The following SKAP2 variants were observed in gnomAD, a reference collection of about 807,000 sequenced individuals.
SKAP2 encodes src kinase associated phosphoprotein 2, also known as src kinase-associated phosphoprotein 2.
A neutral mutation model predicts 54.9 loss-of-function variants in SKAP2; 28 were observed. That is an observed-to-expected ratio of 0.51 (90% CI 0.38 to 0.70). SKAP2 has a LOEUF of 0.70. SKAP2 is among the 30% of genes least tolerant of loss of function. The pLI, the probability that SKAP2 is intolerant of heterozygous loss-of-function variation, is 0.00. For missense variants in SKAP2, 356 were observed against 424.1 expected, an observed-to-expected ratio of 0.84 and a Z score of 1.41; for synonymous variants, 137 against 134.3, an observed-to-expected ratio of 1.02 and a Z score of -0.14.
chr7:26,801,013 T>C (rs557187022), intron 4 of SKAP2, among the ~76,000 whole-genome samples: 1 of 151,766 alleles, frequency 6.6e-6, no homozygotes, highest in South Asian at 2.1e-4. Context: ...GTATTACTGA[T>C]ACCAAAACGA....
At chr7:26,708,513 C>T (rs529098467) in intron 9 of SKAP2, among the ~76,000 whole-genome samples, 2 of 152,242 alleles carry the variant, frequency 1.3e-5, no homozygotes, top group South Asian at 4.1e-4. Flanking sequence ...TGGTCTCTTC[C>T]GTATATACCA....
chr7:26,817,340 T>A (rs3801825), intron 4 of SKAP2, among the ~76,000 whole-genome samples: 32,287 of 151,828 alleles, frequency 0.21, 3,515 homozygotes, highest in Non-Finnish European at 0.24. Context: ...GACAGGGGAT[T>A]TAAAAGAATG....
the SKAP2 span, among the ~76,000 whole-genome samples, chr7:26,659,139 G>C: frequency 6.6e-6 from 1 of 152,078 alleles, no homozygotes; most frequent in African/African-American, 2.4e-5. Context: ...GCATTTTGCC[G>C]TTTTATCTTT....
At chr7:26,745,042 G>C (rs1048952578) in intron 4 of SKAP2, among the ~76,000 whole-genome samples, 5 of 151,858 alleles carry the variant, frequency 3.3e-5, no homozygotes, top group African/African-American at 1.2e-4. Context: ...GTTTAATCTA[G>C]ACTTTATGCA....
intron 6 of SKAP2, among the ~76,000 whole-genome samples, chr7:26,730,101 C>A (rs149201432): frequency 1.2e-4 from 19 of 152,244 alleles, no homozygotes; most frequent in Non-Finnish European, 2.5e-4. Flanking sequence ...TTAGCCAATA[C>A]AGGACAGGAA....
At chr7:26,681,256 C>G (rs961134211) in intron 11 of SKAP2, among the ~76,000 whole-genome samples, 17 of 152,204 alleles carry the variant, frequency 1.1e-4, no homozygotes, top group African/African-American at 4.1e-4. Flanking sequence ...TCGAGACCAG[C>G]CTGACCAGAG....
chr7:26,803,028 A>T (rs2127985307), intron 4 of SKAP2, among the ~76,000 whole-genome samples: 1 of 152,296 alleles, frequency 6.6e-6, no homozygotes, highest in South Asian at 2.1e-4. Flanking sequence ...ACAAGAAAAC[A>T]TTGGAGAAAA....
In SKAP2 at chr7:26,668,445, G is replaced by A. The variant is rs1170400287; in HGVS notation, c.*1221C>T. The A allele has an allele frequency of 6.6e-6, 1 of 152,024 alleles. No homozygotes were observed. The highest frequency in any genetic ancestry group is 1.5e-5 in the Non-Finnish European group (1 of 68,000). The allele number at this position is 152,024 out of a possible 1,614,324, so 9.4% of individuals were successfully genotyped here. ...GCACAGAGTATAACTCAAATGTCAG[G>A]CTAACACTACCTTTCTACTCACCTG... On this transcript the variant is annotated 3_prime_UTR_variant, in exon 13 of 13. Coordinates refer to ENST00000345317, the MANE Select transcript of SKAP2 (RefSeq NM_003930.5).
chr7:26,818,970 C>G (rs778982391), intron 4 of SKAP2, among the ~76,000 whole-genome samples: 1 of 152,042 alleles, frequency 6.6e-6, no homozygotes, highest in East Asian at 1.9e-4. Flanking sequence ...TTACACTGTT[C>G]GTGGGAGTGT....
At chr7:26,773,377 A>C (rs1783230785) in intron 4 of SKAP2, among the ~76,000 whole-genome samples, 1 of 152,210 alleles carries the variant, frequency 6.6e-6, no homozygotes, top group East Asian at 1.9e-4. Context: ...ATTTGTATTA[A>C]GTTAGCATTT....
At chr7:26,720,192 T>C (rs1787550154) in intron 9 of SKAP2, among the ~76,000 whole-genome samples, 1 of 152,130 alleles carries the variant, frequency 6.6e-6, no homozygotes, top group African/African-American at 2.4e-5. Flanking sequence ...AGCTCCAATT[T>C]GCAAAAATGA....
chr7:26,712,286 T>C (rs1787327910), intron 9 of SKAP2, among the ~76,000 whole-genome samples: 1 of 152,202 alleles, frequency 6.6e-6, no homozygotes, highest in Non-Finnish European at 1.5e-5. Context: ...CATTTCAGAT[T>C]TCAAATTAGG....
chr7:26,848,289 A>G (rs1448446120), intron 3 of SKAP2, among the ~76,000 whole-genome samples: 1 of 152,182 alleles, frequency 6.6e-6, no homozygotes, highest in Non-Finnish European at 1.5e-5. Flanking sequence ...GGTAAACAGG[A>G]AATGAAGTAA....
chr7:26,785,389 T>C (rs1031335643), intron 4 of SKAP2, among the ~76,000 whole-genome samples: 4 of 152,140 alleles, frequency 2.6e-5, no homozygotes, highest in Admixed American at 1.3e-4. Flanking sequence ...GGTTTCACCA[T>C]GTTAGCCAGG....
At chr7:26,744,284 T>C (rs186928352) in intron 4 of SKAP2, among the ~76,000 whole-genome samples, 13 of 152,334 alleles carry the variant, frequency 8.5e-5, no homozygotes, top group African/African-American at 2.9e-4. Context: ...TAGTAGTTAC[T>C]TCAATTTCAG....
downstream of SKAP2, among the ~76,000 whole-genome samples, chr7:26,663,580 T>C (rs972831233): frequency 3.9e-5 from 6 of 152,164 alleles, no homozygotes; most frequent in Non-Finnish European, 8.8e-5. Context: ...TACAAAATTA[T>C]ACATGTTTTA....
intron 6 of SKAP2, among the ~76,000 whole-genome samples, chr7:26,730,347 C>G (rs1391449199): frequency 6.6e-6 from 1 of 152,138 alleles, no homozygotes; most frequent in Non-Finnish European, 1.5e-5. Context: ...AGTCCATTTA[C>G]CCAGCACTGT....
chr7:26,738,813 A>G lies in SKAP2; in HGVS notation c.451T>C (p.Tyr151His). The G allele has an allele frequency of 6.3e-7, 1 of 1,596,894 alleles. No individual in the cohort carries two copies. The highest frequency in any genetic ancestry group is 8.6e-7 in the Non-Finnish European group (1 of 1,164,888). Residue 151 changes from tyrosine (Y) to histidine (H), a missense_variant, in exon 6 of 13, where the codon TAT becomes CAT. Physicochemically the swap from Tyr to His is moderately conservative, Grantham distance 83. Coordinates refer to ENST00000345317, the MANE Select transcript of SKAP2 (RefSeq NM_003930.5). ...WCALSKTVFYYYGSDKDKQQK... is the reference protein window; with the variant it reads ...WCALSKTVFYHYGSDKDKQQK... The stretch of plus-strand genomic sequence containing the variant: ...ACATTACCTTTATCACTTCCATAAT[A>G]ATAGAATACCGTTTTACTGAGAGCA...
chr7:26,749,001 T>C (rs1782621068), intron 4 of SKAP2, among the ~76,000 whole-genome samples: 1 of 152,150 alleles, frequency 6.6e-6, no homozygotes, highest in African/African-American at 2.4e-5. Flanking sequence ...GGGGATGTAG[T>C]AGGATAGCAC....
Sources: gnomAD v4.1 joint callset for allele counts (sites outside exome capture counted in the v4.1 genomes callset) on GRCh38, gnomAD v4.1.1 for gene constraint, MANE v1.5 for transcripts, NCBI Gene and HGNC (gene_info 2026-07-23, HGNC 2026-07-21) for gene names.